Variants in SUGCT observed in about 807,000 individuals in gnomAD.
The protein encoded by SUGCT is succinyl-CoA:glutarate-CoA transferase.
A neutral mutation model predicts 55.0 loss-of-function variants in SUGCT; 41 were observed. The ratio of observed to expected loss-of-function variants is 0.74; its 90% CI spans 0.58 to 0.97. The LOEUF is 0.97. Ranked by LOEUF, SUGCT falls within the 50% of genes least tolerant of loss-of-function variation. The pLI is 0.00. For missense variants in SUGCT, 568 were observed against 547.8 expected (o/e 1.04, Z -0.37); for synonymous variants, 187 against 200.4 (o/e 0.93, Z 0.56).
intron 12 of SUGCT, among the ~76,000 whole-genome samples, chr7:40,535,857 C>T (rs1794333660): frequency 6.6e-6 from 1 of 152,086 alleles, no homozygotes; most frequent in Non-Finnish European, 1.5e-5. Context: ...TTATTAATAG[C>T]AGTTGACTAG....
intron 11 of SUGCT, among the ~76,000 whole-genome samples, chr7:40,467,476 T>G (rs1790186245): frequency 6.6e-6 from 1 of 152,170 alleles, no homozygotes; most frequent in South Asian, 2.1e-4. Context: ...TATTTAAAAA[T>G]GTACAGTGAA....
chr7:40,557,687 C>T (rs1385041329), intron 12 of SUGCT, among the ~76,000 whole-genome samples: 1 of 151,440 alleles, frequency 6.6e-6, no homozygotes, highest in Non-Finnish European at 1.5e-5. Context: ...GCAAAAGAAT[C>T]ACTTGCACCC....
intron 8 of SUGCT, among the ~76,000 whole-genome samples, chr7:40,290,002 AAG>A (rs1481410542): frequency 1.3e-5 from 2 of 152,142 alleles, no homozygotes; most frequent in African/African-American, 4.8e-5. Flanking sequence ...AATGAAATAA[AAG>A]AGGATACAAA....
intron 12 of SUGCT, among the ~76,000 whole-genome samples, chr7:40,728,627 A>G (rs1177133662): frequency 6.6e-6 from 1 of 152,228 alleles, no homozygotes; most frequent in African/African-American, 2.4e-5. Flanking sequence ...ATATAGGACT[A>G]AATTGGAACT....
At chr7:40,379,876 G>C (rs1426139655) in intron 9 of SUGCT, among the ~76,000 whole-genome samples, 1 of 152,164 alleles carries the variant, frequency 6.6e-6, no homozygotes, top group Admixed American at 6.5e-5. Flanking sequence ...AGGTTAACAG[G>C]AATATGGTGG....
At chr7:40,573,089 A>G (rs187198528) in intron 12 of SUGCT, among the ~76,000 whole-genome samples, 1 of 152,162 alleles carries the variant, frequency 6.6e-6, no homozygotes, top group Non-Finnish European at 1.5e-5. Context: ...AAAACTGCTT[A>G]CTCAGCCTTT....
chr7:40,152,290 C>T (rs961732537), intron 1 of SUGCT, among the ~76,000 whole-genome samples: 1 of 152,104 alleles, frequency 6.6e-6, no homozygotes, highest in Non-Finnish European at 1.5e-5. Flanking sequence ...TAAGTTCCAC[C>T]CAAAGATAGT....
At chr7:40,684,184 GAT>G in intron 12 of SUGCT, 1 of 1,520,426 alleles carries the variant, frequency 6.6e-7, no homozygotes, top group Non-Finnish European at 8.8e-7. Context: ...GCCAGGAAAG[GAT>G]AATCCAGGAT....
intron 12 of SUGCT, among the ~76,000 whole-genome samples, chr7:40,713,514 T>G (rs1436845612): frequency 6.6e-6 from 1 of 152,196 alleles, no homozygotes; most frequent in Non-Finnish European, 1.5e-5. Flanking sequence ...ATTCCAATAA[T>G]TTTATACCTA....
At chr7:40,135,645 T>C (rs142237061) in intron 1 of SUGCT, among the ~76,000 whole-genome samples, 2,800 of 152,352 alleles carry the variant, frequency 0.018, 45 homozygotes, top group South Asian at 0.036. Flanking sequence ...GAATCTTTTT[T>C]TTCCTTTTTT....
At chr7:40,480,456 C>T (rs1388156008) in intron 11 of SUGCT, among the ~76,000 whole-genome samples, 1 of 152,054 alleles carries the variant, frequency 6.6e-6, no homozygotes, top group Non-Finnish European at 1.5e-5. Context: ...AAGTGAGATG[C>T]CGCCAGTTTT....
Position 40,729,594 on chromosome 7 carries a change from G to A in SUGCT, c.1090-19840G>A, listed in dbSNP as rs374226352. ...GTTCAGGAATCTACAAGTGTTTGAT[G>A]TTGCATTTGGGTGAGATGAGATGAG... On this transcript the variant is annotated intron_variant, in intron 12 of 13. Transcript: ENST00000335693. 3.3e-5 allele frequency among the ~76,000 whole-genome samples: 5 copies of A among 152,194 alleles called. No homozygotes were observed. The South Asian group carries it at 1.0e-3, about 32-fold the overall frequency.
chr7:40,281,782 A>G (rs993295803), intron 8 of SUGCT, among the ~76,000 whole-genome samples: 1 of 152,128 alleles, frequency 6.6e-6, no homozygotes, highest in Admixed American at 6.6e-5. Flanking sequence ...TCAGAAATAA[A>G]TACACACAGT....
chr7:40,765,789 C>G (rs2128723673), intron 13 of SUGCT, among the ~76,000 whole-genome samples: 1 of 152,258 alleles, frequency 6.6e-6, no homozygotes, highest in East Asian at 1.9e-4. Flanking sequence ...TGAGCAGTTT[C>G]TGAAGTAGTC....
intron 7 of SUGCT, among the ~76,000 whole-genome samples, chr7:40,271,302 T>C (rs543676410): frequency 6.6e-6 from 1 of 152,312 alleles, no homozygotes; most frequent in East Asian, 1.9e-4. Context: ...TTTTTTTCTT[T>C]TGTAAAATAT....
At chr7:40,626,477 C>G (rs938197395) in intron 12 of SUGCT, among the ~76,000 whole-genome samples, 15 of 151,292 alleles carry the variant, frequency 9.9e-5, no homozygotes, top group Non-Finnish European at 2.1e-4. Context: ...TGGTCTCGAT[C>G]TCTTGACCTC....
chr7:40,274,888 A>G (rs777276000), intron 8 of SUGCT, among the ~76,000 whole-genome samples: 3 of 151,966 alleles, frequency 2.0e-5, no homozygotes, highest in Non-Finnish European at 4.4e-5. Context: ...TGCAACCTCC[A>G]CCTCCTGGGT....
At chr7:40,830,806 G>A (rs1792624305) in intron 13 of SUGCT, among the ~76,000 whole-genome samples, 1 of 152,196 alleles carries the variant, frequency 6.6e-6, no homozygotes, top group South Asian at 2.1e-4. Flanking sequence ...CAGTAACTCG[G>A]AGAGTGTGCC....
the SUGCT span, among the ~76,000 whole-genome samples, chr7:40,924,129 A>G: frequency 6.6e-6 from 1 of 152,106 alleles, no homozygotes; most frequent in Non-Finnish European, 1.5e-5. Context: ...TTGAATTTGG[A>G]CTTTCCAGCC....
Sources: gnomAD v4.1 joint callset for allele counts (sites outside exome capture counted in the v4.1 genomes callset) on GRCh38, gnomAD v4.1.1 for gene constraint, MANE v1.5 for transcripts, NCBI Gene and HGNC (gene_info 2026-07-23, HGNC 2026-07-21) for gene names.